Variants in USP13 observed in about 807,000 individuals in gnomAD.
USP13 encodes the protein ubiquitin carboxyl-terminal hydrolase 13.
Under a neutral mutation model 107.8 loss-of-function variants are expected in USP13, and 68 were observed. That is an observed-to-expected ratio of 0.63 (90% CI 0.52 to 0.77). The LOEUF (loss-of-function observed/expected upper bound fraction) is 0.77, where lower values mean the gene tolerates loss of function less well. USP13 is among the 30% of genes least tolerant of loss of function. The pLI is 0.00. For synonymous variants in USP13, 377 were observed against 389.5 expected (o/e 0.97, Z 0.38); for missense variants, 945 against 1,093.3 (o/e 0.86, Z 1.91).
chr3:179,777,085 T>C (rs1379395082), intron 19 of USP13, among the ~76,000 whole-genome samples: 1 of 152,190 alleles, frequency 6.6e-6, no homozygotes, highest in African/African-American at 2.4e-5. Context: ...GTTGCTTATA[T>C]TGATAAACAT....
intron 1 of USP13, among the ~76,000 whole-genome samples, chr3:179,680,072 A>C (rs568695144): frequency 2.2e-4 from 34 of 151,992 alleles, no homozygotes; most frequent in Non-Finnish European, 2.9e-5. Flanking sequence ...CTACTTGGGA[A>C]GCTGAAGTGG....
At chr3:179,714,847 C>A (rs111976237) in intron 6 of USP13, among the ~76,000 whole-genome samples, 1 of 150,100 alleles carries the variant, frequency 6.7e-6, no homozygotes, top group Non-Finnish European at 1.5e-5. Flanking sequence ...TCTGTCCTGG[C>A]GGTTCTCTTT....
At chr3:179,723,364 T>TG (rs1713394744) in intron 8 of USP13, among the ~76,000 whole-genome samples, 1 of 152,212 alleles carries the variant, frequency 6.6e-6, no homozygotes, top group South Asian at 2.1e-4. Context: ...GCTGAGTGTG[T>TG]GGGGGTCAGT....
chr3:179,740,502 T>C, intron 11 of USP13, 130 bp downstream of exon 11: 1 of 1,399,808 alleles, frequency 7.1e-7, no homozygotes, highest in Non-Finnish European at 9.7e-7. Context: ...TTAAAGCTGG[T>C]TCAGAATCAG....
In USP13 at chr3:179,690,445, C is replaced by G. The variant is rs935844925; in HGVS notation, c.355+144C>G. 5 of 686,918 alleles carry G rather than the reference C, an allele frequency of 7.3e-6. No individual in the cohort carries two copies. The South Asian group carries it at 1.2e-4, about 16-fold the overall frequency. 42.6% of individuals were successfully genotyped at this position (686,918 alleles called of 1,614,324 possible). A position where few individuals can be genotyped will look rare whatever the true frequency, so the allele number is the denominator to read the frequency against. ...AGAGGCACAGATTTAAGGCCCGCCT[C>G]CACTTTGCGTTTACCTACCAGTGAA... On this transcript the variant is annotated intron_variant, in intron 3 of 20. Transcript: ENST00000263966.
intron 6 of USP13, among the ~76,000 whole-genome samples, chr3:179,711,856 TAGTC>T (rs1334167792): frequency 2.6e-5 from 4 of 152,202 alleles, no homozygotes; most frequent in African/African-American, 9.7e-5. Context: ...TATGGTAACA[TAGTC>T]ATTTATTATT....
intron 10 of USP13, among the ~76,000 whole-genome samples, chr3:179,734,211 C>T (rs1713906852): frequency 6.6e-6 from 1 of 152,130 alleles, no homozygotes; most frequent in Non-Finnish European, 1.5e-5. Flanking sequence ...AAAAAGGCAG[C>T]AGTATTTATT....
chr3:179,690,402 C>A, intron 3 of USP13, 101 bp downstream of exon 3: 1 of 1,081,460 alleles, frequency 9.2e-7, no homozygotes, highest in Non-Finnish European at 1.3e-6. Flanking sequence ...TTGTTTATTG[C>A]TGTACAATTT....
At position 179,721,233 on chromosome 3, in the gene USP13, T is replaced by A. The variant is rs959706386; in HGVS notation, c.901-169T>A. On this transcript the variant is annotated intron_variant, in intron 7 of 20. Coordinates refer to ENST00000263966, the MANE Select transcript of USP13 (RefSeq NM_003940.3). This position sits in a 1 kb window ranked among gnomAD's most constrained non-coding sequence, Gnocchi z 4.3. ...GGCATTATGTACATTCACTTTGTTG[T>A]GCCACCATCACCGTCTCTCAGTCTT... is the stretch of plus-strand genomic sequence containing the variant. 1.3e-5 allele frequency among the ~76,000 whole-genome samples: 2 copies of A among 152,240 alleles called. No homozygotes were observed. Among genetic ancestry groups the A allele is most frequent in the Admixed American group, 1.3e-4 (2 of 15,288 alleles).
chr3:179,679,034 C>A (rs1170999996), intron 1 of USP13, among the ~76,000 whole-genome samples: 1 of 152,124 alleles, frequency 6.6e-6, no homozygotes, highest in East Asian at 1.9e-4. Flanking sequence ...GTAGGAGGCA[C>A]ATACTTGAGT....
intron 1 of USP13, among the ~76,000 whole-genome samples, chr3:179,674,129 G>A (rs1720824228): frequency 2.0e-5 from 3 of 152,192 alleles, no homozygotes; most frequent in Middle Eastern, 3.4e-3. Context: ...CTGACCTCAG[G>A]TGATTCACCC....
chr3:179,762,478 G>A (rs2108536065), intron 17 of USP13, among the ~76,000 whole-genome samples: 1 of 152,298 alleles, frequency 6.6e-6, no homozygotes, highest in Admixed American at 6.5e-5. Flanking sequence ...CTACTTGGGA[G>A]ACTGAGGCAG....
At chr3:179,718,635 G>A (rs1047781126) in intron 6 of USP13, among the ~76,000 whole-genome samples, 1 of 152,176 alleles carries the variant, frequency 6.6e-6, no homozygotes, top group Non-Finnish European at 1.5e-5. Context: ...AGGATGGATA[G>A]GGCAGCGGAT....
At chr3:179,712,350 TA>T (rs1445846100) in intron 6 of USP13, among the ~76,000 whole-genome samples, 14 of 152,300 alleles carry the variant, frequency 9.2e-5, no homozygotes, top group Non-Finnish European at 1.8e-4. Flanking sequence ...AAAACAGAGA[TA>T]AAAGTTTAGA....
intron 11 of USP13, among the ~76,000 whole-genome samples, chr3:179,741,165 G>A (rs539959260): frequency 6.6e-6 from 1 of 151,756 alleles, no homozygotes; most frequent in South Asian, 2.1e-4. Flanking sequence ...CCCCCTTAAT[G>A]CCACGCCCTG....
chr3:179,661,551 AT>A (rs571417106), intron 1 of USP13, among the ~76,000 whole-genome samples: 3 of 150,338 alleles, frequency 2.0e-5, no homozygotes, highest in East Asian at 2.0e-4. Flanking sequence ...TGTTAGTGTG[AT>A]TTTTTTTTCT....
At chr3:179,739,804 C>T (rs568179727) in intron 10 of USP13, among the ~76,000 whole-genome samples, 1 of 152,294 alleles carries the variant, frequency 6.6e-6, no homozygotes, top group African/African-American at 2.4e-5. Context: ...GGTGATCCAC[C>T]TGCCTCGGCC....
chr3:179,757,175 G>A (rs181253357), intron 16 of USP13, 97 bp downstream of exon 16: 60 of 1,348,794 alleles, frequency 4.4e-5, no homozygotes, highest in Middle Eastern at 1.8e-4. Flanking sequence ...TGTTCTGTAC[G>A]TGTGTGTGTG....
intron 2 of USP13, among the ~76,000 whole-genome samples, chr3:179,683,964 T>A (rs753616487): frequency 6.6e-6 from 1 of 152,124 alleles, no homozygotes; most frequent in Non-Finnish European, 1.5e-5. Flanking sequence ...CTTTTCGTTT[T>A]ATTTATTTAT....
Sources: allele counts gnomAD v4.1 joint callset (sites outside exome capture counted in the v4.1 genomes callset), GRCh38; gene constraint gnomAD v4.1.1; non-coding constraint Gnocchi (gnomAD v3.1); transcripts MANE v1.5; gene names NCBI Gene and HGNC (gene_info 2026-07-23, HGNC 2026-07-21).